Variants in SPOCK3 observed in about 807,000 individuals in gnomAD.
SPOCK3 encodes testican-3.
SPOCK3 carries 30 observed loss-of-function variants against 56.6 expected under a neutral mutation model. That is an observed-to-expected ratio of 0.53 (90% CI 0.40 to 0.72). The LOEUF (loss-of-function observed/expected upper bound fraction) is 0.72, where lower values mean the gene tolerates loss of function less well. Among genes scored for constraint, SPOCK3 ranks in the 30% least tolerant of loss-of-function variants. The probability of loss-of-function intolerance (pLI) is 0.00; values close to 1 mark genes in which losing one functional copy is unlikely to be tolerated. For missense variants in SPOCK3, 527 were observed against 530.0 expected (o/e 0.99, Z 0.06); for synonymous variants, 196 against 183.3 (o/e 1.07, Z -0.56).
intron 6 of SPOCK3, among the ~76,000 whole-genome samples, chr4:166,795,083 G>A (rs1741785848): frequency 6.6e-6 from 1 of 152,280 alleles, no homozygotes; most frequent in South Asian, 2.1e-4. Context: ...CTATGGAGGT[G>A]AGATCTAAGA....
chr4:166,784,293 C>G (rs1275525708), intron 7 of SPOCK3, among the ~76,000 whole-genome samples: 2 of 152,098 alleles, frequency 1.3e-5, no homozygotes, highest in Non-Finnish European at 2.9e-5. Flanking sequence ...TGCAGTACAT[C>G]AATCACTTAG....
chr4:166,965,502 G>A lies in SPOCK3; in HGVS notation c.350+34847C>T, dbSNP rs558996790. On this transcript the variant is annotated intron_variant, in intron 4 of 10. Coordinates refer to ENST00000357545, the MANE Select transcript of SPOCK3 (RefSeq NM_001040159.2). ...TTTCTTTTGGCACTTTAAATGTGTCGTTCTATTATCATCAAGCCTTCACTG... is the reference window on the plus strand; with the variant it reads ...TTTCTTTTGGCACTTTAAATGTGTCATTCTATTATCATCAAGCCTTCACTG... 1.8e-3 allele frequency among the ~76,000 whole-genome samples: 266 copies of A among 150,886 alleles called. 3 individuals are homozygous for A. The highest frequency in any genetic ancestry group is 5.2e-3 in the African/African-American group (213 of 41,148).
intron 2 of SPOCK3, among the ~76,000 whole-genome samples, chr4:167,074,803 A>G (rs1172682022): frequency 1.3e-5 from 2 of 150,654 alleles, no homozygotes; most frequent in Non-Finnish European, 3.0e-5. Flanking sequence ...ACAGTACTTC[A>G]GTTTTTCTAT....
intron 2 of SPOCK3, among the ~76,000 whole-genome samples, chr4:167,074,721 G>C (rs953595656): frequency 1.3e-5 from 2 of 152,036 alleles, no homozygotes; most frequent in South Asian, 4.1e-4. Context: ...CCATTTTAGA[G>C]GTTCTCTTCC....
chr4:167,210,685 C>T (rs191708592), intron 2 of SPOCK3, among the ~76,000 whole-genome samples: 36 of 152,194 alleles, frequency 2.4e-4, no homozygotes, highest in Non-Finnish European at 4.4e-4. Context: ...AGTGTTTTCT[C>T]ATACATTTGA....
At chr4:167,048,185 A>C (rs1356921054) in intron 3 of SPOCK3, among the ~76,000 whole-genome samples, 1 of 152,048 alleles carries the variant, frequency 6.6e-6, no homozygotes, top group Non-Finnish European at 1.5e-5. Context: ...TTATATATTA[A>C]TTATATTGTC....
At chr4:166,971,547 A>G (rs989098855) in intron 4 of SPOCK3, among the ~76,000 whole-genome samples, 1 of 152,008 alleles carries the variant, frequency 6.6e-6, no homozygotes, top group Non-Finnish European at 1.5e-5. Context: ...TTAATAATAA[A>G]AGATAATTTA....
chr4:166,782,032 C>G (rs930727463), intron 7 of SPOCK3, among the ~76,000 whole-genome samples: 11 of 152,166 alleles, frequency 7.2e-5, no homozygotes, highest in African/African-American at 2.6e-4. Flanking sequence ...AAATATACAA[C>G]AAATAATGAC....
chr4:166,906,496 A>C (rs1043329999), intron 5 of SPOCK3, among the ~76,000 whole-genome samples: 20 of 151,370 alleles, frequency 1.3e-4, no homozygotes, highest in African/African-American at 4.4e-4. Context: ...AAAAAAAAAA[A>C]AAAAACCTAC....
chr4:167,031,395 T>C (rs1203430990), intron 3 of SPOCK3, among the ~76,000 whole-genome samples: 4 of 151,972 alleles, frequency 2.6e-5, no homozygotes, highest in African/African-American at 9.7e-5. Flanking sequence ...TATTATCCCG[T>C]TTTACTAAAA....
At chr4:166,797,541 T>C (rs1258588462) in intron 6 of SPOCK3, among the ~76,000 whole-genome samples, 1 of 152,056 alleles carries the variant, frequency 6.6e-6, no homozygotes, top group Non-Finnish European at 1.5e-5. Flanking sequence ...GATGGTTTCC[T>C]TCTTTCATTT....
At chr4:167,139,973 G>A (rs1763403072) in intron 2 of SPOCK3, among the ~76,000 whole-genome samples, 1 of 151,506 alleles carries the variant, frequency 6.6e-6, no homozygotes, top group Admixed American at 6.6e-5. Context: ...TTACCCTCCT[G>A]GACATTACTG....
chr4:167,055,831 A>C (rs1221153258), intron 3 of SPOCK3, among the ~76,000 whole-genome samples: 1 of 152,194 alleles, frequency 6.6e-6, no homozygotes, highest in African/African-American at 2.4e-5. Flanking sequence ...ACCACAGCTC[A>C]AGGAGGCCTG....
At chr4:167,083,381 C>CTCAACTCTAAG in intron 2 of SPOCK3, 1 of 753,994 alleles carries the variant, frequency 1.3e-6, no homozygotes, top group Admixed American at 1.7e-5. Flanking sequence ...ATTCAACTTG[C>CTCAACTCTAAG]TCAACTCTAA....
At chr4:167,169,355 G>A (rs559955267) in intron 2 of SPOCK3, among the ~76,000 whole-genome samples, 24 of 152,210 alleles carry the variant, frequency 1.6e-4, no homozygotes, top group Non-Finnish European at 3.1e-4. Flanking sequence ...CAGGGATGGA[G>A]CTGTCCAAGT....
chr4:167,102,780 A>G (rs1161833381), intron 2 of SPOCK3, among the ~76,000 whole-genome samples: 1 of 151,968 alleles, frequency 6.6e-6, no homozygotes, highest in Non-Finnish European at 1.5e-5. Flanking sequence ...GGCCAAATAA[A>G]CTAGAAAGGC....
intron 9 of SPOCK3, among the ~76,000 whole-genome samples, chr4:166,738,997 G>T (rs1160266168): frequency 1.3e-5 from 2 of 151,910 alleles, no homozygotes; most frequent in African/African-American, 2.4e-5. Context: ...TAATGGGATG[G>T]CTGGGTCAAA....
chr4:167,222,639 TTATA>T (rs1736071197), intron 2 of SPOCK3, among the ~76,000 whole-genome samples: 1 of 139,810 alleles, frequency 7.2e-6, no homozygotes, highest in Admixed American at 7.5e-5. Flanking sequence ...TAGATATATA[TTATA>T]TATTCATATA....
intron 2 of SPOCK3, among the ~76,000 whole-genome samples, chr4:167,149,166 T>C (rs560491759): frequency 2.0e-5 from 3 of 152,250 alleles, no homozygotes; most frequent in Admixed American, 1.3e-4. Flanking sequence ...GCAATTACAA[T>C]AGTATATCAT....
Sources: gnomAD v4.1 joint callset for allele counts (sites outside exome capture counted in the v4.1 genomes callset) on GRCh38, gnomAD v4.1.1 for gene constraint, MANE v1.5 for transcripts, NCBI Gene and HGNC (gene_info 2026-07-23, HGNC 2026-07-21) for gene names.